Variants in KCNQ5 observed in about 807,000 individuals in gnomAD.
KCNQ5 encodes potassium voltage-gated channel subfamily Q member 5.
Under a neutral mutation model 98.2 loss-of-function variants are expected in KCNQ5, and 30 were observed. The observed-to-expected ratio is 0.31, with a 90% CI of 0.23 to 0.41. KCNQ5 has a LOEUF of 0.41. Ranked by LOEUF, KCNQ5 falls within the 10% of genes least tolerant of loss-of-function variation. The pLI, the probability that KCNQ5 is intolerant of heterozygous loss-of-function variation, is 1.00. For synonymous variants in KCNQ5, 458 were observed against 449.4 expected (o/e 1.02, Z -0.24); for missense variants, 835 against 1,182.5 (o/e 0.71, Z 4.31).
chr6:72,926,892 T>C (rs1325808028), intron 1 of KCNQ5, among the ~76,000 whole-genome samples: 1 of 151,994 alleles, frequency 6.6e-6, no homozygotes, highest in Non-Finnish European at 1.5e-5. Context: ...AAGGGAATAA[T>C]TGAGTGATTT....
intron 10 of KCNQ5, among the ~76,000 whole-genome samples, chr6:73,140,762 G>A (rs118048551): frequency 2.0e-3 from 311 of 152,286 alleles, no homozygotes; most frequent in Middle Eastern, 3.4e-3. Context: ...ATTCTAAAAC[G>A]CACTTTCAGT....
At chr6:72,742,562 T>C (rs767646177) in intron 1 of KCNQ5, among the ~76,000 whole-genome samples, 2 of 152,168 alleles carry the variant, frequency 1.3e-5, no homozygotes, top group South Asian at 2.1e-4. Flanking sequence ...TGGACTGATA[T>C]CTGGTTAACT....
chr6:72,735,432 G>C, intron 1 of KCNQ5, among the ~76,000 whole-genome samples: 1 of 152,090 alleles, frequency 6.6e-6, no homozygotes, highest in East Asian at 1.9e-4. Flanking sequence ...ATAATAAACA[G>C]CTTCCAATGT....
intron 8 of KCNQ5, among the ~76,000 whole-genome samples, chr6:73,120,874 A>C (rs1279603242): frequency 6.6e-6 from 1 of 152,204 alleles, no homozygotes; most frequent in Admixed American, 6.5e-5. Flanking sequence ...GCCCACCAGC[A>C]TCCTAAAGGT....
chr6:73,067,960 AATGT>A (rs1345861479), intron 3 of KCNQ5, among the ~76,000 whole-genome samples: 5 of 151,746 alleles, frequency 3.3e-5, no homozygotes, highest in Non-Finnish European at 5.9e-5. Context: ...TTAATATGCA[AATGT>A]ATGTATTTAT....
intron 5 of KCNQ5, among the ~76,000 whole-genome samples, chr6:73,079,950 T>C (rs1773699482): frequency 6.6e-6 from 1 of 152,246 alleles, no homozygotes; most frequent in Admixed American, 6.5e-5. Flanking sequence ...ATAATTCTAA[T>C]GTATTTGACT....
chr6:72,658,580 T>TATATATATATATATA (rs35213829), intron 1 of KCNQ5, among the ~76,000 whole-genome samples: 7 of 64,858 alleles, frequency 1.1e-4, no homozygotes, highest in African/African-American at 5.1e-4. Flanking sequence ...ATATATATAT[T>TATATATATATATATA]TTTTTTTTTT....
intron 1 of KCNQ5, among the ~76,000 whole-genome samples, chr6:72,979,547 T>C (rs894202613): frequency 5.3e-5 from 8 of 152,244 alleles, no homozygotes; most frequent in Admixed American, 1.3e-4. Flanking sequence ...TGTAAATTTG[T>C]TTAAGTTCTT....
chr6:73,150,817 AGT>A (rs200901807), intron 10 of KCNQ5, among the ~76,000 whole-genome samples: 3 of 72,970 alleles, frequency 4.1e-5, no homozygotes, highest in African/African-American at 4.6e-5. Flanking sequence ...TAGTGTGGGA[AGT>A]GTATATATAT....
intron 1 of KCNQ5, among the ~76,000 whole-genome samples, chr6:72,637,745 A>T (rs536690071): frequency 7.6e-4 from 116 of 152,344 alleles, no homozygotes; most frequent in African/African-American, 2.6e-3. Context: ...GAAAAGGCAG[A>T]GAAATTGATT....
chr6:72,933,544 C>A (rs944360312), intron 1 of KCNQ5, among the ~76,000 whole-genome samples: 99 of 152,184 alleles, frequency 6.5e-4, no homozygotes, highest in African/African-American at 2.3e-3. Flanking sequence ...TATTAATGAT[C>A]TGTCATCTGT....
chr6:72,702,143 A>G (rs1768844158), intron 1 of KCNQ5, among the ~76,000 whole-genome samples: 1 of 152,220 alleles, frequency 6.6e-6, no homozygotes, highest in Non-Finnish European at 1.5e-5. Flanking sequence ...TTCAAAGCAA[A>G]TACAAATTAT....
intron 1 of KCNQ5, among the ~76,000 whole-genome samples, chr6:72,957,591 A>G (rs777380318): frequency 1.1e-4 from 17 of 152,134 alleles, no homozygotes; most frequent in Non-Finnish European, 1.8e-4. Flanking sequence ...TGATTCTAAT[A>G]TGCAGCCAGA....
At chr6:72,746,396 A>G (rs2840792) in intron 1 of KCNQ5, among the ~76,000 whole-genome samples, 103,043 of 151,986 alleles carry the variant, frequency 0.68, 39,610 homozygotes, top group East Asian at 0.95. Context: ...TCTCCGTGCA[A>G]CTTGTTAAAC....
chr6:72,911,118 G>A (rs886713540), intron 1 of KCNQ5, among the ~76,000 whole-genome samples: 5 of 152,154 alleles, frequency 3.3e-5, no homozygotes, highest in Non-Finnish European at 7.3e-5. Context: ...ATGACAAGAC[G>A]AGATTTATGT....
intron 1 of KCNQ5, among the ~76,000 whole-genome samples, chr6:72,794,582 CTATA>C (rs1342681631): frequency 7.2e-5 from 11 of 152,080 alleles, no homozygotes; most frequent in African/African-American, 2.4e-4. Flanking sequence ...GTTAATTTTA[CTATA>C]TATAACATTT....
chr6:73,157,939 G>C (rs1172637992), intron 10 of KCNQ5: 1 of 771,054 alleles, frequency 1.3e-6, no homozygotes, highest in Non-Finnish European at 2.4e-6. Flanking sequence ...CACAAAACAG[G>C]CTGTCTCGCG....
intron 10 of KCNQ5, among the ~76,000 whole-genome samples, chr6:73,159,996 TG>T (rs1777547053): frequency 4.6e-5 from 4 of 86,224 alleles, no homozygotes; most frequent in African/African-American, 2.8e-4. Flanking sequence ...TGGTTTTTTT[TG>T]TTTGTTTGTT....
At chr6:73,178,996 G>A (rs539377724) in intron 11 of KCNQ5, among the ~76,000 whole-genome samples, 1 of 152,194 alleles carries the variant, frequency 6.6e-6, no homozygotes, top group African/African-American at 2.4e-5. Context: ...AGTGAGGGCT[G>A]CCTCAGGGGA....
Sources: gnomAD v4.1 joint callset for allele counts (sites outside exome capture counted in the v4.1 genomes callset) on GRCh38, gnomAD v4.1.1 for gene constraint, MANE v1.5 for transcripts, NCBI Gene and HGNC (gene_info 2026-07-23, HGNC 2026-07-21) for gene names.